Variants in RBFOX3 observed in about 807,000 individuals in gnomAD.
RBFOX3 encodes the protein RNA binding protein fox-1 homolog 3.
RBFOX3 carries 17 observed loss-of-function variants against 48.7 expected under a neutral mutation model. The ratio of observed to expected loss-of-function variants is 0.35; its 90% confidence interval spans 0.24 to 0.52. RBFOX3 has a LOEUF of 0.52. Among genes scored for constraint, RBFOX3 ranks in the 20% least tolerant of loss-of-function variants. RBFOX3 has a pLI of 0.94. For synonymous variants in RBFOX3, 212 were observed against 209.5 expected (o/e 1.01, Z -0.10); for missense variants, 382 against 497.5 (o/e 0.77, Z 2.21).
intron 1 of RBFOX3, among the ~76,000 whole-genome samples, chr17:79,500,664 A>G (rs2082268112): frequency 6.6e-6 from 1 of 151,966 alleles, no homozygotes; most frequent in Non-Finnish European, 1.5e-5. Flanking sequence ...CTTTTCCCGT[A>G]TCAAAAGACA....
intron 2 of RBFOX3, among the ~76,000 whole-genome samples, chr17:79,353,266 G>A (rs1194201813): frequency 6.6e-6 from 1 of 152,090 alleles, no homozygotes; most frequent in African/African-American, 2.4e-5. Flanking sequence ...TTCATCCCAG[G>A]GTGGCTGGGA....
chr17:79,227,560 A>T (rs1459571388), intron 4 of RBFOX3, among the ~76,000 whole-genome samples: 2 of 152,242 alleles, frequency 1.3e-5, no homozygotes, highest in Non-Finnish European at 2.9e-5. Context: ...AGAAGGATTC[A>T]GCACAGGGCC....
intron 2 of RBFOX3, among the ~76,000 whole-genome samples, chr17:79,410,518 A>G (rs916646793): frequency 6.6e-6 from 1 of 152,182 alleles, no homozygotes; most frequent in Non-Finnish European, 1.5e-5. Context: ...CCTTTGAAAC[A>G]CAGAGAGTTT....
intron 1 of RBFOX3, among the ~76,000 whole-genome samples, chr17:79,560,838 G>A (rs1188649708): frequency 9.9e-5 from 15 of 152,180 alleles, no homozygotes; most frequent in African/African-American, 3.1e-4. Flanking sequence ...CTTCACCTGC[G>A]TCCTCTCCTT....
chr17:79,419,542 C>A (rs1267008484), intron 2 of RBFOX3, among the ~76,000 whole-genome samples: 7 of 152,286 alleles, frequency 4.6e-5, no homozygotes, highest in African/African-American at 1.7e-4. Flanking sequence ...TCAGGCGCTC[C>A]GAGGTTCACA....
At chr17:79,495,917 C>T (rs974537584) in intron 1 of RBFOX3, among the ~76,000 whole-genome samples, 45 of 151,866 alleles carry the variant, frequency 3.0e-4, no homozygotes, top group African/African-American at 9.9e-4. Context: ...CCTCCAGCCT[C>T]GGCACAGCCT....
At chr17:79,315,830 G>T (rs770635228) in intron 2 of RBFOX3, among the ~76,000 whole-genome samples, 10 of 152,322 alleles carry the variant, frequency 6.6e-5, no homozygotes, top group Middle Eastern at 3.4e-3. Context: ...ATGGCGCGCC[G>T]AGGGGATTCT....
At chr17:79,495,173 C>T (rs2081255081) in intron 1 of RBFOX3, among the ~76,000 whole-genome samples, 1 of 151,406 alleles carries the variant, frequency 6.6e-6, no homozygotes, top group South Asian at 2.1e-4. Flanking sequence ...AGTTACCTGG[C>T]TTACGTCGGG....
chr17:79,273,280 C>T (rs749715), intron 3 of RBFOX3, among the ~76,000 whole-genome samples: 5,215 of 152,306 alleles, frequency 0.034, 283 homozygotes, highest in African/African-American at 0.12. Context: ...GGGCCACTTG[C>T]ACTCTTGTCA....
intron 2 of RBFOX3, among the ~76,000 whole-genome samples, chr17:79,433,770 A>G (rs1231687896): frequency 6.6e-6 from 1 of 152,026 alleles, no homozygotes; most frequent in Non-Finnish European, 1.5e-5. Context: ...GTTATGTTCT[A>G]TCAAGTCACC....
chr17:79,422,083 A>T (rs2066497619), intron 2 of RBFOX3, among the ~76,000 whole-genome samples: 1 of 151,880 alleles, frequency 6.6e-6, no homozygotes, highest in Non-Finnish European at 1.5e-5. Context: ...GGGCTGAGAG[A>T]GGCGGGACTT....
intron 4 of RBFOX3, among the ~76,000 whole-genome samples, chr17:79,187,989 AT>A (rs1567809579): frequency 6.6e-6 from 1 of 152,200 alleles, no homozygotes; most frequent in Non-Finnish European, 1.5e-5. Flanking sequence ...CGGCTTCCTT[AT>A]ATCAGGAGTC....
intron 2 of RBFOX3, among the ~76,000 whole-genome samples, chr17:79,389,352 C>A (rs2061022612): frequency 6.6e-6 from 1 of 152,170 alleles, no homozygotes; most frequent in Non-Finnish European, 1.5e-5. Context: ...TTCTCTGGAG[C>A]ACTCCTGCCC....
At chr17:79,424,830 C>G (rs1487697643) in intron 2 of RBFOX3, among the ~76,000 whole-genome samples, 1 of 152,118 alleles carries the variant, frequency 6.6e-6, no homozygotes, top group East Asian at 1.9e-4. Context: ...CTGACTCGCC[C>G]CATCTCTGCT....
At chr17:79,409,007 G>GGCCCTCA (rs961893703) in intron 2 of RBFOX3, among the ~76,000 whole-genome samples, 4 of 152,116 alleles carry the variant, frequency 2.6e-5, no homozygotes, top group Non-Finnish European at 5.9e-5. Context: ...CCTGCCACCT[G>GGCCCTCA]GCCCTCAGCC....
chr17:79,133,065 G>GCT, intron 4 of RBFOX3, among the ~76,000 whole-genome samples: 1 of 152,192 alleles, frequency 6.6e-6, no homozygotes, highest in Non-Finnish European at 1.5e-5. Context: ...CCCCAGCGTG[G>GCT]GGGTGACCAA....
rs1158328647 is a variant in RBFOX3, at chr17:79,477,494, T to G, written c.-175+4960A>C. Among the ~76,000 whole-genome samples, 1 of 151,750 alleles carries G rather than the reference T, an allele frequency of 6.6e-6. No homozygotes were observed. The highest frequency in any genetic ancestry group is 1.5e-5 in the Non-Finnish European group (1 of 67,958). ...TGGCGTGAACCCGGGAGGCGGAGTT[T>G]GCAGTGAGCTGAGATCGCCCCATCG... On this transcript the variant is annotated intron_variant, in intron 2 of 14. Coordinates refer to ENST00000693108, the MANE Select transcript of RBFOX3 (RefSeq NM_001350451.2). The surrounding 1 kb of genome is among the most constrained non-coding windows in gnomAD (Gnocchi z 4.8).
chr17:79,097,808 T>C (rs2075670127), intron 9 of RBFOX3, 63 bp from the exon 10 acceptor site: 1 of 1,505,544 alleles, frequency 6.6e-7, no homozygotes, highest in African/African-American at 1.4e-5. Flanking sequence ...CCAAAACGTA[T>C]GCCTGGGAAC....
At chr17:79,405,591 C>T (rs1434293386) in intron 2 of RBFOX3, among the ~76,000 whole-genome samples, 2 of 152,044 alleles carry the variant, frequency 1.3e-5, no homozygotes, top group African/African-American at 2.4e-5. Context: ...TGTGGTGGCA[C>T]GCCCCTGTAA....
Sources: gnomAD v4.1 joint callset for allele counts (sites outside exome capture counted in the v4.1 genomes callset) on GRCh38, gnomAD v4.1.1 for gene constraint, Gnocchi (gnomAD v3.1) non-coding constraint, MANE v1.5 for transcripts, NCBI Gene and HGNC (gene_info 2026-07-23, HGNC 2026-07-21) for gene names.